PTPRD: variants seen among roughly 807,000 people sequenced by gnomAD.
The protein encoded by PTPRD is protein tyrosine phosphatase receptor type D, also known as receptor-type tyrosine-protein phosphatase delta.
Under a neutral mutation model 214.5 loss-of-function variants are expected in PTPRD, and 34 were observed. That is an observed-to-expected ratio of 0.16 (90% confidence interval 0.12 to 0.21). PTPRD has a LOEUF of 0.21. PTPRD is among the 10% of genes least tolerant of loss of function. The pLI is 1.00. For missense variants in PTPRD, 2,545 were observed against 2,398.7 expected (o/e 1.06, Z -1.27); for synonymous variants, 1,128 against 845.7 (o/e 1.33, Z -5.79).
intron 9 of PTPRD, among the ~76,000 whole-genome samples, chr9:9,310,479 G>C (rs1958591293): frequency 6.6e-6 from 1 of 152,066 alleles, no homozygotes; most frequent in African/African-American, 2.4e-5. Context: ...CTGATCCTCT[G>C]TTGTATTTCT....
chr9:10,291,546 T>C (rs12554683), intron 3 of PTPRD, among the ~76,000 whole-genome samples: 4,510 of 152,070 alleles, frequency 0.03, 297 homozygotes, highest in Admixed American at 0.16. Flanking sequence ...TTTAATGTGA[T>C]AGAAGCAGAG....
chr9:9,397,789 G>A (rs564553272), intron 8 of PTPRD, among the ~76,000 whole-genome samples: 1 of 152,012 alleles, frequency 6.6e-6, no homozygotes, highest in South Asian at 2.1e-4. Flanking sequence ...CAAAAATACA[G>A]AGTCATCTCT....
chr9:10,062,231 A>C (rs1200038651), intron 3 of PTPRD, among the ~76,000 whole-genome samples: 1 of 152,098 alleles, frequency 6.6e-6, no homozygotes, highest in African/African-American at 2.4e-5. Flanking sequence ...AAGATGTAAG[A>C]CTTTTCTATC....
rs1162613266 is a variant in PTPRD at position 10,367,244 on chromosome 9, A to G, written c.-599-26227T>C. ...AGAGAGAAATTAAGGAGAAAATTCA[A>G]TTGTGCCAAAGCCTTCCACTGTCTT... is the stretch of plus-strand genomic sequence containing the variant. On this transcript the variant is annotated intron_variant, in intron 2 of 45. Coordinates refer to ENST00000381196, the MANE Select transcript of PTPRD (RefSeq NM_002839.4). Among the ~76,000 whole-genome samples the G allele has an allele frequency of 3.3e-5, 5 of 152,170 alleles. No homozygotes were observed. The East Asian group carries it at 7.7e-4, about 23-fold the overall frequency.
At chr9:8,746,861 A>G (rs1224402420) in intron 11 of PTPRD, among the ~76,000 whole-genome samples, 1 of 152,136 alleles carries the variant, frequency 6.6e-6, no homozygotes, top group African/African-American at 2.4e-5. Context: ...TCTGTTGGAT[A>G]TGGGTCTCAC....
intron 4 of PTPRD, among the ~76,000 whole-genome samples, chr9:9,953,902 T>C (rs1310175071): frequency 6.6e-6 from 1 of 152,168 alleles, no homozygotes; most frequent in Non-Finnish European, 1.5e-5. Flanking sequence ...CCTTTGCAGT[T>C]GCTTTTTGTG....
intron 14 of PTPRD, among the ~76,000 whole-genome samples, chr9:8,558,404 T>C (rs1212162640): frequency 6.6e-6 from 1 of 152,154 alleles, no homozygotes; most frequent in Non-Finnish European, 1.5e-5. Context: ...TTCTTCCCTC[T>C]CAGGATGTGG....
intron 11 of PTPRD, among the ~76,000 whole-genome samples, chr9:8,934,503 A>G (rs2098982005): frequency 3.8e-5 from 1 of 26,562 alleles, no homozygotes; most frequent in African/African-American, 1.4e-4. Flanking sequence ...AAATATATAT[A>G]TAAATATATA....
At chr9:9,513,473 A>T (rs2096758265) in intron 8 of PTPRD, among the ~76,000 whole-genome samples, 1 of 151,904 alleles carries the variant, frequency 6.6e-6, no homozygotes, top group Admixed American at 6.6e-5. Context: ...CTTACTATAT[A>T]TAATGTAGTT....
intron 21 of PTPRD, 84 bp downstream of exon 21, chr9:8,517,764 T>G (rs2097809500): frequency 8.5e-7 from 1 of 1,174,120 alleles, no homozygotes; most frequent in Non-Finnish European, 1.2e-6. Context: ...CATACCATCT[T>G]TGTTCCTTCT....
intron 5 of PTPRD, among the ~76,000 whole-genome samples, chr9:9,816,296 C>T (rs999729456): frequency 6.6e-6 from 1 of 151,928 alleles, no homozygotes; most frequent in Non-Finnish European, 1.5e-5. Context: ...ACCTAGAAAA[C>T]TACTTATAAT....
At chr9:8,428,776 TAGAA>T (rs1483814500) in intron 35 of PTPRD, among the ~76,000 whole-genome samples, 1 of 152,222 alleles carries the variant, frequency 6.6e-6, no homozygotes, top group African/African-American at 2.4e-5. Flanking sequence ...TATAAACTAA[TAGAA>T]AGCAGATATG....
At chr9:9,250,370 C>T (rs890349354) in intron 9 of PTPRD, among the ~76,000 whole-genome samples, 2 of 152,008 alleles carry the variant, frequency 1.3e-5, no homozygotes, top group Non-Finnish European at 2.9e-5. Context: ...CTAATATCTG[C>T]CCTATCTTAT....
chr9:10,563,017 G>C (rs1216005663), intron 2 of PTPRD, among the ~76,000 whole-genome samples: 1 of 152,104 alleles, frequency 6.6e-6, no homozygotes, highest in East Asian at 1.9e-4. Context: ...GCCTAATAAG[G>C]AAGTGAGGCT....
At chr9:10,527,252 C>T (rs981370454) in intron 2 of PTPRD, among the ~76,000 whole-genome samples, 1 of 152,150 alleles carries the variant, frequency 6.6e-6, no homozygotes, top group African/African-American at 2.4e-5. Flanking sequence ...ATGCCTCCCA[C>T]TACAGAGGCA....
intron 4 of PTPRD, among the ~76,000 whole-genome samples, chr9:9,954,539 A>C (rs2093742844): frequency 1.4e-5 from 2 of 146,758 alleles, no homozygotes; most frequent in Admixed American, 6.9e-5. Flanking sequence ...TTCATAGTTT[A>C]AAACAAGAAT....
At chr9:10,417,940 T>G (rs2098508085) in intron 2 of PTPRD, among the ~76,000 whole-genome samples, 1 of 151,782 alleles carries the variant, frequency 6.6e-6, no homozygotes, top group Non-Finnish European at 1.5e-5. Context: ...TTTTAAAACA[T>G]TTACACTGTG....
chr9:8,557,759 A>C (rs1248770142), intron 14 of PTPRD, among the ~76,000 whole-genome samples: 13,856 of 140,296 alleles, frequency 0.099, 2,572 homozygotes, highest in African/African-American at 0.36. Flanking sequence ...AAAAAAAAAA[A>C]AAAAAAAAGA....
intron 6 of PTPRD, among the ~76,000 whole-genome samples, chr9:9,738,494 A>G (rs1490137625): frequency 8.2e-6 from 1 of 121,578 alleles, no homozygotes; most frequent in Admixed American, 1.0e-4. Flanking sequence ...CCCAGGTTAG[A>G]GACCATCAGT....
Sources: gnomAD v4.1 joint callset for allele counts (sites outside exome capture counted in the v4.1 genomes callset) on GRCh38, gnomAD v4.1.1 for gene constraint, MANE v1.5 for transcripts, NCBI Gene and HGNC (gene_info 2026-07-23, HGNC 2026-07-21) for gene names.